Variants in PVT1 observed in about 807,000 individuals in gnomAD.
PVT1 encodes Pvt1 oncogene, also known as CXCR4/PVT1 fusion.
chr8:128,007,936 C>T (rs1817266214), intron 4 of PVT1, among the ~76,000 whole-genome samples: 1 of 152,240 alleles, frequency 6.6e-6, no homozygotes, highest in Non-Finnish European at 1.5e-5. Context: ...GCCTACATTT[C>T]ATACTTGTTG....
intron 3 of PVT1, among the ~76,000 whole-genome samples, chr8:127,907,709 T>C (rs1211328314): frequency 6.6e-6 from 1 of 152,188 alleles, no homozygotes; most frequent in Non-Finnish European, 1.5e-5. Flanking sequence ...GCAGAAAGAT[T>C]GTGTTAAATC....
intron 2 of PVT1, among the ~76,000 whole-genome samples, chr8:127,825,117 T>TAAAA (rs58377389): frequency 1.9e-4 from 15 of 81,018 alleles, no homozygotes; most frequent in Admixed American, 3.1e-4. Flanking sequence ...AAACACTAGC[T>TAAAA]AAAAAAAAAA....
At chr8:128,067,273 G>C (rs547334325) in intron 4 of PVT1, among the ~76,000 whole-genome samples, 1 of 152,290 alleles carries the variant, frequency 6.6e-6, no homozygotes, top group Admixed American at 6.5e-5. Context: ...ACAGGCACTT[G>C]AGAAATAAGT....
chr8:127,841,263 ATTTAT>A lies in PVT1; in HGVS notation n.372+45206_372+45210del, dbSNP rs1390688240. On this transcript the variant is annotated intron_variant and non_coding_transcript_variant, in intron 2 of 10. Coordinates refer to ENST00000651587, the Ensembl canonical transcript of PVT1. ...AGGGGAGGTAGGTACTATTAGCCCC[ATTTAT>A]TTTATTTTATTTTTTTATTTTTCTT... Among the ~76,000 whole-genome samples, 4 of 152,158 alleles carry A rather than the reference ATTTAT, an allele frequency of 2.6e-5. No homozygotes were observed. The South Asian group carries it at 8.3e-4, about 32-fold the overall frequency.
chr8:127,947,957 C>T (rs746870704), intron 3 of PVT1: 2 of 456,732 alleles, frequency 4.4e-6, no homozygotes, highest in Admixed American at 4.7e-5. Flanking sequence ...AGCTTTTCTG[C>T]AGAGCCTGTG....
At chr8:127,916,057 C>T (rs1815981301) in intron 3 of PVT1, among the ~76,000 whole-genome samples, 1 of 152,214 alleles carries the variant, frequency 6.6e-6, no homozygotes, top group African/African-American at 2.4e-5. Context: ...TATTTATAGC[C>T]AAAAGAAAAC....
At chr8:127,933,356 C>T (rs577691106) in intron 3 of PVT1, among the ~76,000 whole-genome samples, 6 of 152,258 alleles carry the variant, frequency 3.9e-5, no homozygotes, top group East Asian at 1.9e-4. Context: ...GTTACAGGCG[C>T]GAGCCATTGT....
At chr8:127,798,735 G>A (rs1213202120) in intron 2 of PVT1, among the ~76,000 whole-genome samples, 1 of 148,646 alleles carries the variant, frequency 6.7e-6, no homozygotes, top group Non-Finnish European at 1.5e-5. Flanking sequence ...AATTAGCCCG[G>A]CGTGGTGGCA....
intron 2 of PVT1, among the ~76,000 whole-genome samples, chr8:127,808,887 A>C (rs2129655731): frequency 6.6e-6 from 1 of 151,948 alleles, no homozygotes; most frequent in Admixed American, 6.6e-5. Context: ...AAAATTAGCC[A>C]GGAGTGGTGG....
At chr8:127,839,661 G>A (rs1001730023) in intron 2 of PVT1, among the ~76,000 whole-genome samples, 3 of 151,984 alleles carry the variant, frequency 2.0e-5, no homozygotes, top group Non-Finnish European at 4.4e-5. Flanking sequence ...GAGGGCATAC[G>A]AAACACCCAG....
Position 128,031,024 on chromosome 8 carries a change from A to G in PVT1, n.913-39136A>G, listed in dbSNP as rs117281200. ...CTTTCACACCAAAGTTCTCCCAACC[A>G]TCGTGTTGACAGCTATCTGCCTGCT... On this transcript the variant is annotated intron_variant and non_coding_transcript_variant, in intron 4 of 10. Transcript: ENST00000651587. Among the ~76,000 whole-genome samples the G allele has an allele frequency of 5.4e-3, 819 of 152,346 alleles. 5 individuals carry two copies. The highest frequency in any genetic ancestry group is 8.5e-3 in the Non-Finnish European group (577 of 68,020).
intron 4 of PVT1, among the ~76,000 whole-genome samples, chr8:127,997,146 C>G (rs1020230396): frequency 6.7e-6 from 1 of 150,072 alleles, no homozygotes; most frequent in Non-Finnish European, 1.5e-5. Context: ...GCTCTGCCTC[C>G]CGGGGTCAAG....
At chr8:127,962,514 G>T (rs557098258) in intron 3 of PVT1, among the ~76,000 whole-genome samples, 1 of 152,256 alleles carries the variant, frequency 6.6e-6, no homozygotes, top group South Asian at 2.1e-4. Flanking sequence ...AGATGACAGG[G>T]CTAGGGGTTA....
chr8:127,865,492 A>G (rs1480278826), intron 2 of PVT1, among the ~76,000 whole-genome samples: 2 of 152,210 alleles, frequency 1.3e-5, no homozygotes, highest in African/African-American at 4.8e-5. Flanking sequence ...CAGAGTCCTT[A>G]CAAGTGGGCG....
intron 2 of PVT1, among the ~76,000 whole-genome samples, chr8:127,889,037 TTTCTTCCTTCCTTCCTTCCTTC>T (rs1815563533): frequency 3.5e-5 from 1 of 28,834 alleles, no homozygotes; most frequent in Non-Finnish European, 8.1e-5. Flanking sequence ...TCTCTCTTTC[TTTCTTCCTTCCTTCCTTCCTTC>T]CTTCCTTCCT....
chr8:127,878,449 G>A (rs750972625), intron 2 of PVT1, among the ~76,000 whole-genome samples: 5 of 152,178 alleles, frequency 3.3e-5, no homozygotes, highest in African/African-American at 9.7e-5. Flanking sequence ...TTAAAGCTTC[G>A]CAGATTTGGA....
intron 3 of PVT1, chr8:127,947,474 T>A (rs1316287203): frequency 3.0e-6 from 1 of 329,044 alleles, no homozygotes; most frequent in Non-Finnish European, 6.0e-6. Flanking sequence ...TGGCATTCCC[T>A]CTGTCTCCTC....
At chr8:127,960,742 G>GT (rs758028131) in intron 3 of PVT1, 12 of 483,642 alleles carry the variant, frequency 2.5e-5, no homozygotes, top group Admixed American at 7.5e-5. Flanking sequence ...ACTGTTTTCT[G>GT]TTTTTTGTGG....
chr8:128,015,785 A>AAAC (rs1408504142), intron 4 of PVT1, among the ~76,000 whole-genome samples: 1 of 148,876 alleles, frequency 6.7e-6, no homozygotes, highest in Non-Finnish European at 1.5e-5. Flanking sequence ...AAAAAAAAAA[A>AAAC]AAAAAGGTTT....
Sources: gnomAD v4.1 joint callset for allele counts (sites outside exome capture counted in the v4.1 genomes callset) on GRCh38, gnomAD v4.1.1 for gene constraint, MANE v1.5 for transcripts, NCBI Gene and HGNC (gene_info 2026-07-23, HGNC 2026-07-21) for gene names.